SHISA9: variants seen among roughly 807,000 people sequenced by gnomAD.
SHISA9 encodes protein shisa-9.
A neutral mutation model predicts 38.0 loss-of-function variants in SHISA9; 13 were observed. The observed-to-expected ratio is 0.34, with a 90% CI of 0.22 to 0.54. SHISA9 has a LOEUF of 0.54. Among genes scored for constraint, SHISA9 ranks in the 20% least tolerant of loss-of-function variants. The probability of loss-of-function intolerance (pLI) is 0.91; values close to 1 mark genes in which losing one functional copy is unlikely to be tolerated. For missense variants in SHISA9, 538 were observed against 575.8 expected (o/e 0.93, Z 0.67); for synonymous variants, 275 against 242.0 (o/e 1.14, Z -1.27).
the SHISA9 span, among the ~76,000 whole-genome samples, chr16:13,268,595 G>A: frequency 1.3e-5 from 2 of 152,228 alleles, no homozygotes; most frequent in African/African-American, 4.8e-5. Context: ...CCCATGTAGA[G>A]GAAATGGGGA....
chr16:13,551,958 C>T, the SHISA9 span, among the ~76,000 whole-genome samples: 174 of 151,990 alleles, frequency 1.1e-3, 1 homozygote, highest in Middle Eastern at 3.4e-3. Flanking sequence ...AGCTGGGAGG[C>T]GGAGGTTGCA....
At chr16:13,140,075 TTTC>T in intron 2 of SHISA9, among the ~76,000 whole-genome samples, 1 of 141,224 alleles carries the variant, frequency 7.1e-6, no homozygotes, top group East Asian at 2.3e-4. Flanking sequence ...TCTCTTCTCC[TTTC>T]CTCTTCTCTT....
the SHISA9 span, among the ~76,000 whole-genome samples, chr16:13,324,923 A>C: frequency 6.6e-6 from 1 of 152,232 alleles, no homozygotes; most frequent in Non-Finnish European, 1.5e-5. Flanking sequence ...AGGTGGATTC[A>C]AAGTTTTCCT....
At chr16:13,176,081 A>G (rs1223979002) in intron 2 of SHISA9, among the ~76,000 whole-genome samples, 1 of 152,080 alleles carries the variant, frequency 6.6e-6, no homozygotes, top group Non-Finnish European at 1.5e-5. Context: ...TATCTTTTTT[A>G]TAACTTAGCT....
At chr16:12,963,723 A>G (rs566971120) in intron 2 of SHISA9, among the ~76,000 whole-genome samples, 1 of 152,304 alleles carries the variant, frequency 6.6e-6, no homozygotes, top group East Asian at 1.9e-4. Context: ...GCCAGGTGGG[A>G]TTTAAATACT....
At chr16:13,411,142 TCTC>T in the SHISA9 span, among the ~76,000 whole-genome samples, 1 of 152,312 alleles carries the variant, frequency 6.6e-6, no homozygotes, top group South Asian at 2.1e-4. Context: ...TTTTAGCCAA[TCTC>T]CTAACTTGAT....
At chr16:13,056,610 C>A (rs1395927747) in intron 2 of SHISA9, among the ~76,000 whole-genome samples, 2 of 152,324 alleles carry the variant, frequency 1.3e-5, no homozygotes, top group Admixed American at 6.5e-5. Context: ...TGTCTGAGTT[C>A]AGACTCAGGG....
chr16:13,266,372 A>G, the SHISA9 span, among the ~76,000 whole-genome samples: 5 of 152,178 alleles, frequency 3.3e-5, no homozygotes, highest in African/African-American at 1.2e-4. Flanking sequence ...ATGGGAATAA[A>G]TGCTTTCCCC....
chr16:13,547,222 T>C, the SHISA9 span, among the ~76,000 whole-genome samples: 1 of 152,212 alleles, frequency 6.6e-6, no homozygotes, highest in Non-Finnish European at 1.5e-5. Flanking sequence ...AAAATGATTC[T>C]TGTCTTTTTA....
chr16:13,050,569 C>T (rs370430311), intron 2 of SHISA9, among the ~76,000 whole-genome samples: 6 of 152,286 alleles, frequency 3.9e-5, no homozygotes, highest in African/African-American at 1.2e-4. Flanking sequence ...TGAGCTCAAG[C>T]GGTCCGCTCT....
chr16:13,412,900 G>A, the SHISA9 span, among the ~76,000 whole-genome samples: 1 of 151,776 alleles, frequency 6.6e-6, no homozygotes, highest in Non-Finnish European at 1.5e-5. Flanking sequence ...ACAAAAAGGA[G>A]AAAGACAATT....
chr16:13,334,790 A>AC, the SHISA9 span, among the ~76,000 whole-genome samples: 2 of 151,628 alleles, frequency 1.3e-5, no homozygotes, highest in Non-Finnish European at 2.9e-5. Context: ...AAAAAAAAAA[A>AC]AGAATAAATG....
chr16:13,219,893 G>A (rs933658765), intron 4 of SHISA9, among the ~76,000 whole-genome samples: 4 of 152,222 alleles, frequency 2.6e-5, no homozygotes, highest in African/African-American at 9.6e-5. Context: ...AGGAGGCGGA[G>A]GTTGCAGTGA....
At chr16:13,462,677 G>T in the SHISA9 span, among the ~76,000 whole-genome samples, 1 of 151,948 alleles carries the variant, frequency 6.6e-6, no homozygotes, top group Non-Finnish European at 1.5e-5. Context: ...ATATAAAAAA[G>T]TTGGGCAGGC....
chr16:13,096,849 G>T (rs1023049987), intron 2 of SHISA9, among the ~76,000 whole-genome samples: 1 of 151,990 alleles, frequency 6.6e-6, no homozygotes, highest in African/African-American at 2.4e-5. Context: ...TCTTCCCTGA[G>T]ACTTACTCAT....
At chr16:13,322,771 G>C in the SHISA9 span, among the ~76,000 whole-genome samples, 1 of 152,146 alleles carries the variant, frequency 6.6e-6, no homozygotes, top group African/African-American at 2.4e-5. Context: ...GAAAGCTTGA[G>C]ACATTATTGT....
chr16:13,417,288 C>G, the SHISA9 span, among the ~76,000 whole-genome samples: 34 of 152,054 alleles, frequency 2.2e-4, no homozygotes, highest in African/African-American at 7.5e-4. Flanking sequence ...TTTTGTCACT[C>G]GAGGGAATTT....
chr16:13,239,593 A>G lies in SHISA9; in HGVS notation c.*4184A>G, dbSNP rs1307167940. ...TGCATTTCTCTGATGGCCAGTGATG[A>G]TGAGCATTTTTTCATGTGTCTTTTG... On this transcript the variant is annotated 3_prime_UTR_variant, in exon 5 of 5. Coordinates refer to ENST00000558583, the MANE Select transcript of SHISA9 (RefSeq NM_001145204.3). The G allele has an allele frequency of 1.3e-5, 2 of 152,150 alleles. No homozygotes were observed. Among genetic ancestry groups the G allele is most frequent in the Admixed American group, 6.5e-5 (1 of 15,278 alleles). The allele number at this position is 152,150 out of a possible 1,614,324, so 9.4% of individuals were successfully genotyped here.
intron 2 of SHISA9, among the ~76,000 whole-genome samples, chr16:13,045,080 C>T (rs1390771573): frequency 3.3e-5 from 5 of 152,138 alleles, no homozygotes; most frequent in African/African-American, 4.8e-5. Flanking sequence ...ACGATAACAG[C>T]ATTTACCTCA....
Sources: allele counts gnomAD v4.1 joint callset (sites outside exome capture counted in the v4.1 genomes callset), GRCh38; gene constraint gnomAD v4.1.1; transcripts MANE v1.5; gene names NCBI Gene and HGNC (gene_info 2026-07-23, HGNC 2026-07-21).